The following UHRF1 variants were observed in gnomAD, a reference collection of about 807,000 sequenced individuals.
UHRF1 encodes the protein E3 ubiquitin-protein ligase UHRF1.
A neutral mutation model predicts 96.5 loss-of-function variants in UHRF1; 9 were observed. The ratio of observed to expected loss-of-function variants is 0.09; its 90% CI spans 0.06 to 0.16. UHRF1 has a LOEUF of 0.16. Ranked by LOEUF, UHRF1 falls within the 10% of genes least tolerant of loss-of-function variation. The pLI is 1.00. For synonymous variants in UHRF1, 455 were observed against 469.9 expected (o/e 0.97, Z 0.41); for missense variants, 626 against 1,131.1 (o/e 0.55, Z 6.40).
At chr19:4,959,942 C>A (rs565922213) in intron 16 of UHRF1, among the ~76,000 whole-genome samples, 2 of 152,326 alleles carry the variant, frequency 1.3e-5, no homozygotes, top group South Asian at 2.1e-4. Flanking sequence ...CTCACTGCAA[C>A]CTCCGCCTCC....
At chr19:4,926,260 G>A (rs966490041) in intron 2 of UHRF1, among the ~76,000 whole-genome samples, 10 of 152,188 alleles carry the variant, frequency 6.6e-5, no homozygotes, top group African/African-American at 1.7e-4. Flanking sequence ...GAGTGATGCC[G>A]TGTGAACCTG....
chr19:4,905,650 T>A (rs1238872599), upstream of UHRF1, among the ~76,000 whole-genome samples: 1 of 152,068 alleles, frequency 6.6e-6, no homozygotes, highest in African/African-American at 2.4e-5. Context: ...CCCGAGTAGC[T>A]GGGATTATAG....
chr19:4,932,645 A>G (rs541115976), intron 4 of UHRF1, 96 bp from the exon 5 acceptor site: 2 of 1,357,658 alleles, frequency 1.5e-6, no homozygotes, highest in African/African-American at 1.4e-5. Flanking sequence ...GCCTCTGCAC[A>G]CTGTCGGGAG....
intron 1 of UHRF1, chr19:4,910,004 C>T (rs2032191343): frequency 5.4e-6 from 1 of 186,514 alleles, no homozygotes; most frequent in African/African-American, 2.4e-5. Context: ...CCTGAGTTCC[C>T]CGGGAGCATC....
At chr19:4,934,443 T>A (rs1324747556) in intron 5 of UHRF1, among the ~76,000 whole-genome samples, 1 of 152,170 alleles carries the variant, frequency 6.6e-6, no homozygotes, top group Non-Finnish European at 1.5e-5. Flanking sequence ...AAACTGAAAC[T>A]CTGACTCCAT....
intron 1 of UHRF1, among the ~76,000 whole-genome samples, chr19:4,904,426 A>G (rs746844398): frequency 9.2e-5 from 14 of 151,824 alleles, no homozygotes; most frequent in Non-Finnish European, 1.8e-4. Context: ...TGATCCGCCC[A>G]CCTTGGCCTC....
Position 4,951,006 on chromosome 19 carries a change from G to C in UHRF1, c.1818+10G>C, listed in dbSNP as rs1266215852. On this transcript the variant is annotated intron_variant, in intron 13 of 16. Coordinates refer to ENST00000650932, the MANE Select transcript of UHRF1 (RefSeq NM_001048201.3). ...GGGGCTGACCATGCAGGTGTGTCTG[G>C]GATGGGGGATGGCACTTTGGGAGGC... is the stretch of plus-strand genomic sequence containing the variant. 3 of 1,593,762 alleles carry C rather than the reference G, an allele frequency of 1.9e-6. No individual in the cohort carries two copies. The highest frequency in any genetic ancestry group is 2.6e-6 in the Non-Finnish European group (3 of 1,171,670).
chr19:4,911,196 T>C (rs942012209), intron 2 of UHRF1, among the ~76,000 whole-genome samples, 158 bp downstream of exon 2: 7 of 144,054 alleles, frequency 4.9e-5, no homozygotes, highest in African/African-American at 1.8e-4. Flanking sequence ...AAACCTCAAA[T>C]GCCTGCGAGA....
intron 7 of UHRF1, among the ~76,000 whole-genome samples, 191 bp downstream of exon 7, chr19:4,942,122 C>G (rs978650801): frequency 1.3e-5 from 2 of 152,154 alleles, no homozygotes; most frequent in African/African-American, 4.8e-5. Flanking sequence ...ACAAGACCAG[C>G]CTGGGGGACG....
At chr19:4,905,112 T>C (rs2602715), upstream of UHRF1, among the ~76,000 whole-genome samples, 17,418 of 132,724 alleles carry the variant, frequency 0.13, 1,357 homozygotes, top group Non-Finnish European at 0.19. Flanking sequence ...AACTTTCTTT[T>C]TTTTTTTTTT....
intron 11 of UHRF1, 71 bp from the exon 12 acceptor site, chr19:4,950,540 G>C: frequency 6.6e-7 from 1 of 1,525,494 alleles, no homozygotes; most frequent in Admixed American, 2.1e-5. Flanking sequence ...CACCACTCCC[G>C]GCTCCTGTGT....
intron 1 of UHRF1, 81 bp downstream of exon 1, chr19:4,909,736 G>T: frequency 2.0e-6 from 1 of 489,638 alleles, no homozygotes; most frequent in South Asian, 3.1e-5. Flanking sequence ...TTCCCGCGCG[G>T]CCAGCCCGGG....
Position 4,910,996 on chromosome 19 carries a change from C to T in UHRF1, c.111C>T (p.His37=), listed in dbSNP as rs1366487698. ...ELRRKIQELF[H]VEPGLQRLFY... is the part of the protein sequence containing the mutation. ...GGCGGAAGATCCAGGAGCTGTTCCA[C>T]GTGGAGCCAGGCCTGCAGAGGCTGT... The change falls in exon 2 of 17, where the codon CAC becomes CAT. Residue 37 remains histidine (H), a synonymous_variant. Coordinates refer to ENST00000650932, the MANE Select transcript of UHRF1 (RefSeq NM_001048201.3). The T allele has an allele frequency of 3.1e-6, 5 of 1,611,618 alleles. No individual in the cohort carries two copies. The highest frequency in any genetic ancestry group is 3.4e-6 in the Non-Finnish European group (4 of 1,178,532).
chr19:4,954,459 G>T lies in UHRF1; in HGVS notation c.1928G>T (p.Gly643Val). Reference protein sequence around the residue: ...QEGGFASPRTGKGKWKRKSAG... With the variant: ...QEGGFASPRTVKGKWKRKSAG... ...GGGGGCTTCGCGTCCCCCAGGACGG[G>T]CAAGGGCAAGTGGAAGCGGAAGTCG... Residue 643 changes from glycine (G) to valine (V), a missense_variant, in exon 14 of 17, where the codon GGC becomes GTC. Physicochemically the swap from Gly to Val is moderately radical, Grantham distance 109. Around this residue, in one of 11 missense-constraint regions of UHRF1, gnomAD observed 90 missense variants for 94.7 expected, o/e 0.95. Coordinates refer to ENST00000650932, the MANE Select transcript of UHRF1 (RefSeq NM_001048201.3). This position sits in a 1 kb window ranked among gnomAD's most constrained non-coding sequence, Gnocchi z 5.9. The T allele has an allele frequency of 6.2e-7, 1 of 1,612,024 alleles. No individual in the cohort carries two copies. The highest frequency in any genetic ancestry group is 1.7e-4 in the Middle Eastern group (1 of 6,052).
Position 4,960,669 on chromosome 19 carries a change from A to G in UHRF1, c.2248A>G (p.Arg750Gly). 1 of 1,612,222 alleles carries G rather than the reference A, an allele frequency of 6.2e-7. No individual in the cohort carries two copies. The highest frequency in any genetic ancestry group is 8.5e-7 in the Non-Finnish European group (1 of 1,179,234). The change falls in exon 17 of 17, where the codon AGA (arginine) becomes GGA (glycine). Residue 750 changes from arginine (R) to glycine (G), a missense_variant. Transcript: ENST00000650932. ...CTGTGTCTTACAGGACTGCCTGGAC[A>G]GATCCTTTCGGGCACAGGTGTTCAG... Reference protein sequence around the residue: ...QHNVCKDCLDRSFRAQVFSCP... With the variant: ...QHNVCKDCLDGSFRAQVFSCP...
Position 4,961,455 on chromosome 19 carries a change from G to A in UHRF1, c.*652G>A, listed in dbSNP as rs1296959718. On this transcript the variant is annotated 3_prime_UTR_variant, in exon 17 of 17. Transcript: ENST00000650932. ...CCTCTGCCCACGAGAGCAGGGAGTT[G>A]GGGCCACGCAGAAATGGCCTCAAGG... 3 of 152,294 alleles carry A rather than the reference G, an allele frequency of 2.0e-5. No individual in the cohort carries two copies. The highest frequency in any genetic ancestry group is 2.9e-5 in the Non-Finnish European group (2 of 68,144). 9.4% of individuals were successfully genotyped at this position (152,294 alleles called of 1,614,324 possible).
rs1162568891 is a variant in UHRF1, at chr19:4,962,017, A to G, written c.*1214A>G. 1 of 152,126 alleles carries G rather than the reference A, an allele frequency of 6.6e-6. No individual in the cohort carries two copies. Among genetic ancestry groups the G allele is most frequent in the Non-Finnish European group, 1.5e-5 (1 of 68,038 alleles). The allele number at this position is 152,126 out of a possible 1,614,324, so 9.4% of individuals were successfully genotyped here. A position where few individuals can be genotyped will look rare whatever the true frequency, so the allele number is the denominator to read the frequency against. ...ACAAACTGGAGCAATGTTATTTTTA[A>G]AGGGTTTTTTTCACCTCCTTATTCT... On this transcript the variant is annotated 3_prime_UTR_variant, in exon 17 of 17. Transcript: ENST00000650932.
intron 4 of UHRF1, among the ~76,000 whole-genome samples, chr19:4,931,144 C>G (rs998466449): frequency 1.3e-5 from 2 of 152,158 alleles, no homozygotes; most frequent in Admixed American, 6.5e-5. Context: ...CTGTTTTATT[C>G]CATCTTCCGG....
chr19:4,924,400 C>T (rs183678510), intron 2 of UHRF1, among the ~76,000 whole-genome samples: 42 of 152,276 alleles, frequency 2.8e-4, no homozygotes, highest in African/African-American at 8.4e-4. Context: ...CCACCCGCCT[C>T]GGCCTCCCAA....
Sources: gnomAD v4.1 joint callset for allele counts (sites outside exome capture counted in the v4.1 genomes callset) on GRCh38, gnomAD v4.1.1 for gene constraint, gnomAD v4.1.1 regional missense constraint, Gnocchi (gnomAD v3.1) non-coding constraint, MANE v1.5 for transcripts, NCBI Gene and HGNC (gene_info 2026-07-23, HGNC 2026-07-21) for gene names.